MYBL2: variants seen among roughly 807,000 people sequenced by gnomAD.
The protein encoded by MYBL2 is myb-related protein B.
A neutral mutation model predicts 79.9 loss-of-function variants in MYBL2; 28 were observed. The ratio of observed to expected loss-of-function variants is 0.35; its 90% CI spans 0.26 to 0.48. MYBL2 has a LOEUF of 0.48. MYBL2 is among the 20% of genes least tolerant of loss of function. The pLI, the probability that MYBL2 is intolerant of heterozygous loss-of-function variation, is 0.99. For synonymous variants in MYBL2, 378 were observed against 361.2 expected (o/e 1.05, Z -0.53); for missense variants, 735 against 893.9 (o/e 0.82, Z 2.27).
At chr20:43,690,680 C>T (rs1050294318) in intron 5 of MYBL2, among the ~76,000 whole-genome samples, 2 of 152,146 alleles carry the variant, frequency 1.3e-5, no homozygotes, top group African/African-American at 2.4e-5. Flanking sequence ...ACTCTCTGTT[C>T]ACTTTTCAAG....
At chr20:43,697,266 G>C (rs890387737) in intron 6 of MYBL2, among the ~76,000 whole-genome samples, 8 of 152,000 alleles carry the variant, frequency 5.3e-5, no homozygotes, top group Non-Finnish European at 1.2e-4. Flanking sequence ...GAATTACTTT[G>C]GAGTTGATCT....
chr20:43,691,196 CAG>C (rs1467346625), intron 5 of MYBL2, among the ~76,000 whole-genome samples: 1 of 152,106 alleles, frequency 6.6e-6, no homozygotes, highest in African/African-American at 2.4e-5. Flanking sequence ...GCGTGAGACT[CAG>C]TGGAAATGAG....
chr20:43,704,243 T>G (rs1987732134), intron 8 of MYBL2, among the ~76,000 whole-genome samples: 1 of 152,204 alleles, frequency 6.6e-6, no homozygotes, highest in Non-Finnish European at 1.5e-5. Context: ...CTCGAACTCT[T>G]GACCTCAAGT....
rs1445915544 is a variant in MYBL2, at chr20:43,702,782, A to G, written c.1244A>G (p.Lys415Arg). 1.2e-6 allele frequency: 2 copies of G among 1,614,212 alleles called. No individual in the cohort carries two copies. Among genetic ancestry groups the G allele is most frequent in the Non-Finnish European group, 1.7e-6 (2 of 1,180,044 alleles). Residue 415 changes from lysine (K) to arginine (R), a missense_variant, in exon 8 of 14, where the codon AAG (lysine) becomes AGG (arginine). Physicochemically the swap from Lys to Arg is conservative, Grantham distance 26. Transcript: ENST00000217026. Reference protein sequence around the residue: ...TPPSVLKRQRKRRVALSPVTE... With the variant: ...TPPSVLKRQRRRRVALSPVTE... Reference sequence around the variant, plus strand: ...CCCTCTGTGCTCAAGCGGCAGAGGAAGAGGCGTGTGGCTCTGTCCCCTGTC... The same window carrying G: ...CCCTCTGTGCTCAAGCGGCAGAGGAGGAGGCGTGTGGCTCTGTCCCCTGTC...
intron 3 of MYBL2, 146 bp downstream of exon 3, chr20:43,682,001 C>T: frequency 5.2e-6 from 4 of 762,096 alleles, no homozygotes; most frequent in Non-Finnish European, 8.6e-6. Context: ...GCAAATGGAC[C>T]TTTGTAGGAT....
intron 8 of MYBL2, among the ~76,000 whole-genome samples, chr20:43,704,507 T>C (rs1436797455): frequency 2.6e-5 from 4 of 152,190 alleles, no homozygotes; most frequent in Non-Finnish European, 5.9e-5. Flanking sequence ...CTCAGGATGA[T>C]GGAGCGTGGT....
intron 6 of MYBL2, 69 bp downstream of exon 6, chr20:43,692,388 C>T (rs1987434253): frequency 3.2e-6 from 5 of 1,578,260 alleles, no homozygotes; most frequent in Admixed American, 3.4e-5. Context: ...CATTGAACAC[C>T]TTGTCCACAG....
intron 2 of MYBL2, among the ~76,000 whole-genome samples, chr20:43,674,531 G>A (rs1986958460): frequency 6.6e-6 from 1 of 151,916 alleles, no homozygotes; most frequent in South Asian, 2.1e-4. Context: ...GGGATTGCAG[G>A]CATGCGCCAC....
intron 2 of MYBL2, among the ~76,000 whole-genome samples, chr20:43,674,419 C>G (rs1490779465): frequency 6.9e-6 from 1 of 145,558 alleles, no homozygotes; most frequent in South Asian, 2.2e-4. Context: ...GACAGTCTCG[C>G]TTTGTCACCC....
chr20:43,711,400 C>G (rs950134108), intron 10 of MYBL2, 88 bp from the exon 11 acceptor site: 18 of 963,648 alleles, frequency 1.9e-5, no homozygotes, highest in Admixed American at 4.3e-5. Flanking sequence ...CCAGGACAGC[C>G]CAGTTGCAGC....
chr20:43,708,753 T>A (rs955492484), intron 9 of MYBL2, among the ~76,000 whole-genome samples: 7 of 152,224 alleles, frequency 4.6e-5, no homozygotes, highest in Non-Finnish European at 1.0e-4. Context: ...CTCTTAGTCC[T>A]TGTTGATGCC....
At chr20:43,714,043 G>A (rs1987972270) in intron 12 of MYBL2, among the ~76,000 whole-genome samples, 1 of 152,182 alleles carries the variant, frequency 6.6e-6, no homozygotes, top group Admixed American at 6.5e-5. Flanking sequence ...ACAGGCTGGG[G>A]ACCTGCAGCC....
intron 2 of MYBL2, among the ~76,000 whole-genome samples, chr20:43,678,976 A>C (rs1987082914): frequency 6.6e-6 from 1 of 150,746 alleles, no homozygotes; most frequent in African/African-American, 2.4e-5. Flanking sequence ...TGGAGAGGGC[A>C]GTGCGGGGAT....
chr20:43,685,754 C>CA (rs902672364), intron 4 of MYBL2, among the ~76,000 whole-genome samples: 2 of 150,792 alleles, frequency 1.3e-5, no homozygotes, highest in African/African-American at 2.4e-5. Context: ...GACACTGTCT[C>CA]AAAAAAATGG....
intron 9 of MYBL2, among the ~76,000 whole-genome samples, chr20:43,705,604 C>T (rs1987762681): frequency 4.6e-5 from 7 of 152,118 alleles, no homozygotes; most frequent in Admixed American, 4.6e-4. Context: ...TTTTGTGATC[C>T]TCCTGCCTCA....
Position 43,710,077 on chromosome 20 carries a change from C to G in MYBL2, c.1605+15C>G. The G allele has an allele frequency of 1.3e-6, 2 of 1,582,728 alleles. No homozygotes were observed. The highest frequency in any genetic ancestry group is 1.7e-6 in the Non-Finnish European group (2 of 1,158,952). ...TGAAGCCCCTGGTACGTGGTGTGGT[C>G]GCTGCCGTGGATCTCTGCACAGTGG... On this transcript the variant is annotated intron_variant, in intron 10 of 13. Coordinates refer to ENST00000217026, the MANE Select transcript of MYBL2 (RefSeq NM_002466.4).
Position 43,713,026 on chromosome 20 carries a change from G to A in MYBL2, c.1744G>A (p.Val582Ile). ...GCTGCGGCGGAGCCCCATCAAGAAA[G>A]TCCGGAAGTCTCTGGCTCTTGACAT... is the stretch of plus-strand genomic sequence containing the variant. ...PGLRRSPIKK[V>I]RKSLALDIVD... Residue 582 changes from valine to isoleucine, a missense_variant, in exon 12 of 14, where the codon GTC becomes ATC. This residue lies in a region of MYBL2 where 204 missense variants were observed against 202.9 expected (regional missense o/e 1.01). Coordinates refer to ENST00000217026, the MANE Select transcript of MYBL2 (RefSeq NM_002466.4). 1 of 1,612,708 alleles carries A rather than the reference G, an allele frequency of 6.2e-7. No homozygotes were observed. The highest frequency in any genetic ancestry group is 8.5e-7 in the Non-Finnish European group (1 of 1,179,448).
At chr20:43,705,624 G>A (rs1329342315) in intron 9 of MYBL2, among the ~76,000 whole-genome samples, 1 of 150,418 alleles carries the variant, frequency 6.6e-6, no homozygotes, top group African/African-American at 2.4e-5. Flanking sequence ...AGCCTCCTGA[G>A]TAGCTGGGAC....
chr20:43,678,092 C>CGCTTGAAGGCAG (rs1420795867), intron 2 of MYBL2, among the ~76,000 whole-genome samples: 1 of 149,994 alleles, frequency 6.7e-6, no homozygotes, highest in African/African-American at 2.5e-5. Flanking sequence ...GTTAAACAGA[C>CGCTTGAAGGCAG]GCTTGAAGGC....
Sources: gnomAD v4.1 joint callset for allele counts (sites outside exome capture counted in the v4.1 genomes callset) on GRCh38, gnomAD v4.1.1 for gene constraint, gnomAD v4.1.1 regional missense constraint, MANE v1.5 for transcripts, NCBI Gene and HGNC (gene_info 2026-07-23, HGNC 2026-07-21) for gene names.